Variants in SHLD2 observed in about 807,000 individuals in gnomAD.
SHLD2 encodes the protein shieldin complex subunit 2.
SHLD2 carries 30 observed loss-of-function variants against 73.2 expected under a neutral mutation model. The ratio of observed to expected loss-of-function variants is 0.41; its 90% CI spans 0.31 to 0.56. The LOEUF (loss-of-function observed/expected upper bound fraction) is 0.56. Among genes scored for constraint, SHLD2 ranks in the 20% least tolerant of loss-of-function variants. The probability of loss-of-function intolerance (pLI) is 0.28; values close to 1 mark genes in which losing one functional copy is unlikely to be tolerated. For missense variants in SHLD2, 745 were observed against 1,055.9 expected (o/e 0.71, Z 4.08); for synonymous variants, 285 against 370.1 (o/e 0.77, Z 2.64).
At chr10:87,126,875 T>C (rs12251100) in intron 2 of SHLD2, among the ~76,000 whole-genome samples, 4,517 of 152,322 alleles carry the variant, frequency 0.03, 240 homozygotes, top group African/African-American at 0.1. Flanking sequence ...TCATTATTAT[T>C]CCTTAAATGA....
At position 87,180,166 on chromosome 10, in the gene SHLD2, G is replaced by T; in HGVS notation, c.2262G>T (p.Lys754Asn). 6.2e-7 allele frequency: 1 copy of T among 1,613,856 alleles called. No individual in the cohort carries two copies. The highest frequency in any genetic ancestry group is 8.5e-7 in the Non-Finnish European group (1 of 1,179,818). The change falls in exon 8 of 10, where the codon AAG (lysine) becomes AAT (asparagine). Residue 754 changes from lysine (K) to asparagine (N), a missense_variant. Around this residue, in one of 5 missense-constraint regions of SHLD2, gnomAD observed 418 missense variants for 567.8 expected, o/e 0.74. Transcript: ENST00000298786. ...KIALNAHSSL[K>N]SIFSSLPNIV... ...CGCTAAATGCTCACAGTTCTCTGAA[G>T]AGTATTTTTTCTTCTCTTCCCAACA...
chr10:87,121,058 AAAG>A (rs908152651), intron 2 of SHLD2, among the ~76,000 whole-genome samples: 8 of 152,278 alleles, frequency 5.3e-5, no homozygotes, highest in South Asian at 4.1e-4. Flanking sequence ...CTCAAAAAAA[AAAG>A]AGTGTTTTAG....
chr10:87,137,641 A>G (rs1162407527), intron 2 of SHLD2, among the ~76,000 whole-genome samples: 2 of 152,232 alleles, frequency 1.3e-5, no homozygotes, highest in Middle Eastern at 3.2e-3. Context: ...CAGAAGACAT[A>G]TTTGAAGAGA....
chr10:87,127,989 G>A (rs1289849210), intron 2 of SHLD2, among the ~76,000 whole-genome samples: 1 of 151,990 alleles, frequency 6.6e-6, no homozygotes, highest in African/African-American at 2.4e-5. Context: ...GTTTCCAGGG[G>A]TCAGGTTTGT....
At chr10:87,137,369 A>G (rs1268452267) in intron 2 of SHLD2, among the ~76,000 whole-genome samples, 7 of 152,114 alleles carry the variant, frequency 4.6e-5, no homozygotes, top group Non-Finnish European at 8.8e-5. Context: ...AAACAAAAAA[A>G]GGAAAGAAAA....
chr10:87,179,301 T>C (rs1213547321), intron 7 of SHLD2, among the ~76,000 whole-genome samples: 4 of 152,122 alleles, frequency 2.6e-5, no homozygotes, highest in Admixed American at 1.3e-4. Flanking sequence ...ACCCAGAGTA[T>C]ATAGATGATA....
chr10:87,188,672 A>AT (rs1848793256), intron 9 of SHLD2, among the ~76,000 whole-genome samples: 1 of 152,124 alleles, frequency 6.6e-6, no homozygotes, highest in Non-Finnish European at 1.5e-5. Flanking sequence ...TCCTGCCTGT[A>AT]TGGAGGACCT....
intron 2 of SHLD2, among the ~76,000 whole-genome samples, chr10:87,137,745 T>G (rs191939081): frequency 1.3e-5 from 2 of 151,970 alleles, no homozygotes; most frequent in Admixed American, 1.3e-4. Flanking sequence ...AAAACAAAAA[T>G]AAGCCAACAA....
At chr10:87,164,952 T>TGA (rs1589617527) in intron 4 of SHLD2, among the ~76,000 whole-genome samples, 1 of 152,030 alleles carries the variant, frequency 6.6e-6, no homozygotes, top group East Asian at 1.9e-4. Flanking sequence ...TTTGGGAGGC[T>TGA]GAGGCAGGTG....
chr10:87,166,195 G>C (rs1337503408), intron 4 of SHLD2, among the ~76,000 whole-genome samples: 2 of 151,976 alleles, frequency 1.3e-5, no homozygotes, highest in African/African-American at 4.8e-5. Context: ...AAATAGATAT[G>C]TAAAGATTGG....
intron 4 of SHLD2, among the ~76,000 whole-genome samples, chr10:87,158,570 G>T (rs1228912157): frequency 6.6e-6 from 1 of 152,076 alleles, no homozygotes; most frequent in African/African-American, 2.4e-5. Flanking sequence ...AAGAATCCTT[G>T]AGGTAATAAA....
At chr10:87,158,237 C>T (rs1846575372) in intron 4 of SHLD2, 82 bp downstream of exon 4, 2 of 1,389,720 alleles carry the variant, frequency 1.4e-6, no homozygotes, top group Non-Finnish European at 1.9e-6. Flanking sequence ...TAAAATGGTT[C>T]TTTTACAAAA....
Position 87,176,032 on chromosome 10 carries a change from A to G in SHLD2, c.2107A>G (p.Lys703Glu). The G allele has an allele frequency of 1.3e-6, 2 of 1,548,536 alleles. No homozygotes were observed. The highest frequency in any genetic ancestry group is 1.7e-6 in the Non-Finnish European group (2 of 1,146,818). Reference sequence around the variant, plus strand: ...AATTACATTTAAAGCAAAATTTCAAAAAAGTGCACCCTCCTTTGTGAAGAT... The same window carrying G: ...AATTACATTTAAAGCAAAATTTCAAGAAAGTGCACCCTCCTTTGTGAAGAT... ...RAITFKAKFQ[K>E]SAPSFVKISD... Residue 703 changes from lysine (K) to glutamate (E), a missense_variant, in exon 7 of 10, where the codon AAA becomes GAA. Coordinates refer to ENST00000298786, the MANE Select transcript of SHLD2 (RefSeq NM_001330112.2).
intron 8 of SHLD2, 114 bp downstream of exon 8, chr10:87,180,417 T>A: frequency 7.1e-7 from 1 of 1,407,336 alleles, no homozygotes; most frequent in Non-Finnish European, 9.6e-7. Context: ...TCGAAGAGAA[T>A]AAAATTTTCC....
At chr10:87,182,204 A>G (rs1848357066) in intron 8 of SHLD2, among the ~76,000 whole-genome samples, 1 of 152,258 alleles carries the variant, frequency 6.6e-6, no homozygotes. Context: ...AGCAAACTGA[A>G]TAAGAGAAAA....
At chr10:87,097,458 G>T (rs554456318) in intron 2 of SHLD2, among the ~76,000 whole-genome samples, 108 of 152,216 alleles carry the variant, frequency 7.1e-4, no homozygotes, top group African/African-American at 2.5e-3. Flanking sequence ...CAGGCGTGGT[G>T]GCGGGGAGGG....
intron 2 of SHLD2, among the ~76,000 whole-genome samples, chr10:87,127,883 T>G (rs905711546): frequency 4.6e-5 from 7 of 152,036 alleles, no homozygotes. Context: ...GTCATGCATT[T>G]GGCTGGAGTT....
At chr10:87,131,780 A>G (rs1436058514) in intron 2 of SHLD2, among the ~76,000 whole-genome samples, 1 of 152,192 alleles carries the variant, frequency 6.6e-6, no homozygotes, top group African/African-American at 2.4e-5. Flanking sequence ...TAACTTAATG[A>G]GGAACTGCCA....
intron 7 of SHLD2, among the ~76,000 whole-genome samples, chr10:87,178,988 A>G (rs1009592961): frequency 5.3e-5 from 8 of 152,170 alleles, no homozygotes; most frequent in Non-Finnish European, 7.3e-5. Context: ...TTAGTTCTTG[A>G]CCTGGAGTGT....
Sources: allele counts gnomAD v4.1 joint callset (sites outside exome capture counted in the v4.1 genomes callset), GRCh38; gene constraint gnomAD v4.1.1; regional missense constraint gnomAD v4.1.1; transcripts MANE v1.5; gene names NCBI Gene and HGNC (gene_info 2026-07-23, HGNC 2026-07-21).